Variants in SGCZ observed in about 807,000 individuals in gnomAD.
The protein encoded by SGCZ is sarcoglycan zeta.
SGCZ carries 40 observed loss-of-function variants against 41.3 expected under a neutral mutation model. That is an observed-to-expected ratio of 0.97 (90% CI 0.75 to 1.26). The LOEUF (loss-of-function observed/expected upper bound fraction) is 1.26, where lower values mean the gene tolerates loss of function less well. Among genes scored for constraint, SGCZ ranks in the 50% most tolerant of loss-of-function variants. The pLI is 0.00. For missense variants in SGCZ, 552 were observed against 369.8 expected (o/e 1.49, Z -4.04); for synonymous variants, 206 against 137.5 (o/e 1.50, Z -3.49).
At chr8:14,342,927 C>A (rs113967969) in intron 2 of SGCZ, among the ~76,000 whole-genome samples, 1,700 of 152,242 alleles carry the variant, frequency 0.011, 20 homozygotes, top group African/African-American at 0.026. Flanking sequence ...GTTTTGTGGG[C>A]TGGGCCCAGG....
chr8:14,355,720 G>A (rs546724452), intron 2 of SGCZ, among the ~76,000 whole-genome samples: 68 of 152,156 alleles, frequency 4.5e-4, no homozygotes, highest in African/African-American at 1.6e-3. Context: ...AAGACTCTCT[G>A]TGGAACTTCT....
Position 15,145,761 on chromosome 8 carries a change from T to C in SGCZ, c.39+91824A>G, listed in dbSNP as rs185654108. 2.2e-3 allele frequency among the ~76,000 whole-genome samples: 328 copies of C among 152,324 alleles called. 3 individuals are homozygous for C. Among genetic ancestry groups the C allele is most frequent in the Non-Finnish European group, 4.0e-3 (270 of 68,036 alleles). On this transcript the variant is annotated intron_variant, in intron 1 of 7. Coordinates refer to ENST00000382080, the MANE Select transcript of SGCZ (RefSeq NM_139167.4). ...TGAGCACCATACGTGGCCCTCCATC[T>C]TCCTAAAGAATGGAGATAGTAACAC... is the stretch of plus-strand genomic sequence containing the variant.
intron 1 of SGCZ, among the ~76,000 whole-genome samples, chr8:14,559,700 G>C (rs1389649751): frequency 6.6e-6 from 1 of 151,740 alleles, no homozygotes; most frequent in Non-Finnish European, 1.5e-5. Flanking sequence ...TTTTACCATT[G>C]AGGCATGTTA....
At chr8:14,737,233 G>T (rs1337094849) in intron 1 of SGCZ, among the ~76,000 whole-genome samples, 4 of 150,484 alleles carry the variant, frequency 2.7e-5, no homozygotes, top group African/African-American at 9.8e-5. Flanking sequence ...ATGGTAGAGG[G>T]TTTCTTAGTA....
intron 1 of SGCZ, among the ~76,000 whole-genome samples, chr8:14,741,342 GT>G (rs1341959085): frequency 6.6e-6 from 1 of 151,968 alleles, no homozygotes; most frequent in Non-Finnish European, 1.5e-5. Context: ...ATTTTACTGT[GT>G]TTGCATTTAC....
intron 3 of SGCZ, chr8:14,308,909 T>C: frequency 2.1e-6 from 1 of 469,036 alleles, no homozygotes; most frequent in Non-Finnish European, 3.8e-6. Flanking sequence ...AAATACATTT[T>C]CTTAATTTGA....
chr8:14,182,007 A>G (rs921601458), intron 4 of SGCZ, among the ~76,000 whole-genome samples: 3 of 152,102 alleles, frequency 2.0e-5, no homozygotes, highest in African/African-American at 7.2e-5. Flanking sequence ...CAAATTGGAG[A>G]TATGTTTTAC....
intron 1 of SGCZ, among the ~76,000 whole-genome samples, chr8:15,040,206 T>C (rs1317117767): frequency 6.6e-6 from 1 of 152,146 alleles, no homozygotes; most frequent in East Asian, 1.9e-4. Flanking sequence ...CAAACAAAAG[T>C]TTAGCTTTTT....
At chr8:14,526,272 C>T (rs1017741636) in intron 2 of SGCZ, among the ~76,000 whole-genome samples, 1 of 152,028 alleles carries the variant, frequency 6.6e-6, no homozygotes, top group Non-Finnish European at 1.5e-5. Context: ...GATATGTTGA[C>T]ATGTTATGCC....
At chr8:14,361,577 C>G (rs1803512621) in intron 2 of SGCZ, among the ~76,000 whole-genome samples, 1 of 152,160 alleles carries the variant, frequency 6.6e-6, no homozygotes, top group African/African-American at 2.4e-5. Flanking sequence ...GTTAGCCATT[C>G]ATCTAAGCTT....
chr8:14,230,123 T>A (rs979066767), intron 4 of SGCZ, among the ~76,000 whole-genome samples: 4 of 152,086 alleles, frequency 2.6e-5, no homozygotes, highest in African/African-American at 7.2e-5. Context: ...GTCAGGATAA[T>A]TGAATATTGA....
intron 1 of SGCZ, among the ~76,000 whole-genome samples, chr8:15,234,084 G>A (rs1476337246): frequency 6.6e-6 from 1 of 152,116 alleles, no homozygotes; most frequent in Non-Finnish European, 1.5e-5. Flanking sequence ...TGTTTATTCA[G>A]CCTCAATGTC....
chr8:14,222,965 C>T (rs980187734), intron 4 of SGCZ, among the ~76,000 whole-genome samples: 1 of 151,756 alleles, frequency 6.6e-6, no homozygotes, highest in Admixed American at 6.6e-5. Context: ...GCACGTACCA[C>T]CACACCCAGC....
At chr8:14,355,385 C>G (rs944302998) in intron 2 of SGCZ, among the ~76,000 whole-genome samples, 2 of 152,014 alleles carry the variant, frequency 1.3e-5, no homozygotes, top group African/African-American at 2.4e-5. Context: ...ATTTATCTCC[C>G]TTTTGAAGAC....
chr8:14,808,099 G>T lies in SGCZ; in HGVS notation c.40-253173C>A, dbSNP rs561916443. ...ATTAATTCAAGATGGATTAAAGACT[G>T]AAACGTTAGACCTAAAACCATAAAA... On this transcript the variant is annotated intron_variant, in intron 1 of 7. Coordinates refer to ENST00000382080, the MANE Select transcript of SGCZ (RefSeq NM_139167.4). Among the ~76,000 whole-genome samples the T allele has an allele frequency of 3.1e-3, 470 of 152,078 alleles. 3 individuals are homozygous for T. Among genetic ancestry groups the T allele is most frequent in the African/African-American group, 0.01 (432 of 41,456 alleles).
chr8:14,683,155 A>G (rs1246610614), intron 1 of SGCZ, among the ~76,000 whole-genome samples: 2 of 152,194 alleles, frequency 1.3e-5, no homozygotes, highest in African/African-American at 4.8e-5. Context: ...TCAATGATTC[A>G]ACAAGGTACT....
chr8:14,993,865 T>A (rs1351981870), intron 1 of SGCZ, among the ~76,000 whole-genome samples: 1 of 152,174 alleles, frequency 6.6e-6, no homozygotes, highest in Non-Finnish European at 1.5e-5. Flanking sequence ...TAGGAAGCCA[T>A]CAGAGAGCAC....
At chr8:14,444,992 A>C (rs963637583) in intron 2 of SGCZ, among the ~76,000 whole-genome samples, 1 of 152,100 alleles carries the variant, frequency 6.6e-6, no homozygotes, top group Non-Finnish European at 1.5e-5. Context: ...CACTGACTCC[A>C]TTACTTTCCC....
chr8:14,935,473 T>C (rs1800055102), intron 1 of SGCZ, among the ~76,000 whole-genome samples: 2 of 150,528 alleles, frequency 1.3e-5, no homozygotes, highest in Non-Finnish European at 3.0e-5. Context: ...AAAAGGTAGA[T>C]GTTAATGTCT....
Sources: allele counts gnomAD v4.1 joint callset (sites outside exome capture counted in the v4.1 genomes callset), GRCh38; gene constraint gnomAD v4.1.1; transcripts MANE v1.5; gene names NCBI Gene and HGNC (gene_info 2026-07-23, HGNC 2026-07-21).